The following ZBTB6 variants were observed in gnomAD, a reference collection of about 807,000 sequenced individuals.
ZBTB6 encodes the protein zinc finger and BTB domain containing 6, also known as zinc finger and BTB domain-containing protein 6.
Under a neutral mutation model 30.6 loss-of-function variants are expected in ZBTB6, and 11 were observed. The observed-to-expected ratio is 0.36, with a 90% CI of 0.23 to 0.60. ZBTB6 has a LOEUF of 0.60. Among genes scored for constraint, ZBTB6 ranks in the 20% least tolerant of loss-of-function variants. ZBTB6 has a pLI of 0.75. For missense variants in ZBTB6, 380 were observed against 489.4 expected (o/e 0.78, Z 2.11); for synonymous variants, 174 against 172.0 (o/e 1.01, Z -0.09).
rs975863436 is a variant in ZBTB6, at chr9:122,908,302, TAA to T, written c.*2494_*2495del. Reference sequence around the variant, plus strand: ...TCTATACTTTGTCATACCTGAACTTTAAAAAAAGATTCCATTTTCCTGAAAAT... The same window carrying T: ...TCTATACTTTGTCATACCTGAACTTTAAAAAGATTCCATTTTCCTGAAAAT... On this transcript the variant is annotated 3_prime_UTR_variant, in exon 2 of 2. Coordinates refer to ENST00000373659, the MANE Select transcript of ZBTB6 (RefSeq NM_006626.6). The T allele has an allele frequency of 6.6e-6, 1 of 152,298 alleles. No homozygotes were observed. The highest frequency in any genetic ancestry group is 1.5e-5 in the Non-Finnish European group (1 of 68,024). The allele number at this position is 152,298 out of a possible 1,614,324, so 9.4% of individuals were successfully genotyped here.
Position 122,911,176 on chromosome 9 carries a change from C to T in ZBTB6, c.897G>A (p.Leu299=). The T allele has an allele frequency of 1.2e-6, 2 of 1,614,194 alleles. No homozygotes were observed. The highest frequency in any genetic ancestry group is 1.7e-6 in the Non-Finnish European group (2 of 1,180,032). ...EIQNLEEGYS[L]RHQCPRCPRG... is the part of the protein sequence containing the mutation. ...GAGGACACCTGGGGCACTGGTGCCT[C>T]AGTGAATAACCTTCCTCCAGATTCT... is the stretch of plus-strand genomic sequence containing the variant. Residue 299 remains leucine (L), a synonymous_variant, in exon 2 of 2, where the codon CTG becomes CTA. Transcript: ENST00000373659. The surrounding 1 kb of genome is among the most constrained non-coding windows in gnomAD (Gnocchi z 4.5).
At position 122,911,843 on chromosome 9, in the gene ZBTB6, C is replaced by G; in HGVS notation, c.230G>C (p.Ser77Thr). Residue 77 changes from serine to threonine, a missense_variant, in exon 2 of 2, where the codon AGT becomes ACT. By Grantham distance (58) the Ser-to-Thr change is moderately conservative (BLOSUM62 1). Transcript: ENST00000373659. This position sits in a 1 kb window ranked among gnomAD's most constrained non-coding sequence, Gnocchi z 4.5. ...TAACAATTTTCTGCCAACTTCTGCA[C>G]TCTGTAAGATGGTGATTCTGACATG... The part of the protein sequence containing the change: ...SKHVRITILQ[S>T]AEVGRKLLLS... The G allele has an allele frequency of 1.2e-6, 2 of 1,614,222 alleles. No homozygotes were observed. Among genetic ancestry groups the G allele is most frequent in the Non-Finnish European group, 8.5e-7 (1 of 1,180,036 alleles).
At position 122,911,667 on chromosome 9, in the gene ZBTB6, T is replaced by C. The variant is rs1243536973; in HGVS notation, c.406A>G (p.Asn136Asp). ...YLEIDLSMKNNNQHTDLCQSS... is the reference protein window; with the variant it reads ...YLEIDLSMKNDNQHTDLCQSS... Reference sequence around the variant, plus strand: ...TGACACAGGTCAGTGTGTTGGTTGTTGTTTTTCATAGAAAGATCAATTTCC... The same window carrying C: ...TGACACAGGTCAGTGTGTTGGTTGTCGTTTTTCATAGAAAGATCAATTTCC... The change falls in exon 2 of 2, where the codon AAC becomes GAC. Residue 136 changes from asparagine to aspartate, a missense_variant. Coordinates refer to ENST00000373659, the MANE Select transcript of ZBTB6 (RefSeq NM_006626.6). This position sits in a 1 kb window ranked among gnomAD's most constrained non-coding sequence, Gnocchi z 4.5. 6.2e-7 allele frequency: 1 copy of C among 1,613,728 alleles called. No individual in the cohort carries two copies. Among genetic ancestry groups the C allele is most frequent in the Non-Finnish European group, 8.5e-7 (1 of 1,180,040 alleles).
chr9:122,913,117 G>C (rs958750306), intron 1 of ZBTB6, 134 bp downstream of exon 1: 3 of 342,882 alleles, frequency 8.7e-6, no homozygotes, highest in Admixed American at 6.5e-5. Flanking sequence ...ACCCTGCGAA[G>C]GGCCAAGGCC....
At chr9:122,912,789 C>G (rs937466112) in intron 1 of ZBTB6, among the ~76,000 whole-genome samples, 1 of 152,162 alleles carries the variant, frequency 6.6e-6, no homozygotes, top group African/African-American at 2.4e-5. Context: ...CATACTCGAA[C>G]CTCGTTCAAT....
Position 122,908,816 on chromosome 9 carries a change from T to G in ZBTB6, c.*1982A>C, listed in dbSNP as rs1234586215. 1 of 152,126 alleles carries G rather than the reference T, an allele frequency of 6.6e-6. No homozygotes were observed. Among genetic ancestry groups the G allele is most frequent in the East Asian group, 1.9e-4 (1 of 5,194 alleles). 9.4% of individuals were successfully genotyped at this position (152,126 alleles called of 1,614,324 possible). A position where few individuals can be genotyped will look rare whatever the true frequency, so the allele number is the denominator to read the frequency against. On this transcript the variant is annotated 3_prime_UTR_variant, in exon 2 of 2. Transcript: ENST00000373659. ...TTCCAGTGGAAAAAGATCCACTAAT[T>G]AGAAAAATTATGTCTCCAATGGAGT...
intron 1 of ZBTB6, among the ~76,000 whole-genome samples, chr9:122,912,813 A>T (rs142846432): frequency 1.9e-4 from 29 of 152,188 alleles, no homozygotes; most frequent in Non-Finnish European, 4.0e-4. Flanking sequence ...AAATTTTTCC[A>T]TCATTACCCA....
rs1832922702 is a variant in ZBTB6, at chr9:122,908,399, G to T, written c.*2399C>A. 1 of 152,328 alleles carries T rather than the reference G, an allele frequency of 6.6e-6. No homozygotes were observed. The highest frequency in any genetic ancestry group is 1.5e-5 in the Non-Finnish European group (1 of 67,984). 9.4% of individuals were successfully genotyped at this position (152,328 alleles called of 1,614,324 possible). A position where few individuals can be genotyped will look rare whatever the true frequency, so the allele number is the denominator to read the frequency against. ...GAGATCATTCCGTGCTACTGAACAG[G>T]AATAAATAATATAAATAATAACCAT... On this transcript the variant is annotated 3_prime_UTR_variant, in exon 2 of 2. Coordinates refer to ENST00000373659, the MANE Select transcript of ZBTB6 (RefSeq NM_006626.6).
rs1832955046 is a variant in ZBTB6, at chr9:122,911,556, T to C, written c.517A>G (p.Asn173Asp). ...IIEISEDSPV[N>D]IDFHVKEEES... ...TCTTCTTTAACATGGAAATCTATGTTTACAGGACTATCTTCTGAAATTTCA... is the reference window on the plus strand; with the variant it reads ...TCTTCTTTAACATGGAAATCTATGTCTACAGGACTATCTTCTGAAATTTCA... Residue 173 changes from asparagine to aspartate, a missense_variant, in exon 2 of 2, where the codon AAC (asparagine) becomes GAC (aspartate). Physicochemically the swap from Asn to Asp is conservative, Grantham distance 23. Transcript: ENST00000373659. This position sits in a 1 kb window ranked among gnomAD's most constrained non-coding sequence, Gnocchi z 4.5. The C allele has an allele frequency of 1.9e-6, 3 of 1,613,966 alleles. 1 individual carries two copies. The South Asian group carries it at 3.3e-5, about 18-fold the overall frequency.
Sources: gnomAD v4.1 joint callset for allele counts (sites outside exome capture counted in the v4.1 genomes callset) on GRCh38, gnomAD v4.1.1 for gene constraint, Gnocchi (gnomAD v3.1) non-coding constraint, MANE v1.5 for transcripts, NCBI Gene and HGNC (gene_info 2026-07-23, HGNC 2026-07-21) for gene names.